Variants in MARF1 observed in about 807,000 individuals in gnomAD.
The protein encoded by MARF1 is limkain-b1.
In MARF1, 24 loss-of-function variants were observed where a neutral mutation model predicts 168.2. That is an observed-to-expected ratio of 0.14 (90% confidence interval 0.10 to 0.20). The LOEUF is 0.20. MARF1 is among the 10% of genes least tolerant of loss of function. The pLI is 1.00. For missense variants in MARF1, 1,744 were observed against 2,143.6 expected (o/e 0.81, Z 3.68); for synonymous variants, 868 against 822.4 (o/e 1.06, Z -0.95).
At chr16:15,602,645 A>G in intron 22 of MARF1, 1 of 443,312 alleles carries the variant, frequency 2.3e-6, no homozygotes, top group Non-Finnish European at 4.4e-6. Flanking sequence ...AAGAGGAGAA[A>G]GAAAAGGAGG....
rs533644887 is a variant in MARF1 at position 15,631,325 on chromosome 16, T to C, written c.1351+56A>G. 1.7e-4 allele frequency: 207 copies of C among 1,215,178 alleles called. 2 individuals carry two copies. In the Middle Eastern group the frequency reaches 2.3e-3, roughly 13 times the overall value. The allele number at this position is 1,215,178 out of a possible 1,614,324, so 75.3% of individuals were successfully genotyped here. A position where few individuals can be genotyped will look rare whatever the true frequency, so the allele number is the denominator to read the frequency against. ...TACTTTCACATGTTGCTGGCTTCTA[T>C]GATAATTTCCCACACAGTGAGTTTA... On this transcript the variant is annotated intron_variant, in intron 6 of 26. Coordinates refer to ENST00000396368, the MANE Select transcript of MARF1 (RefSeq NM_014647.4).
intron 26 of MARF1, 38 bp downstream of exon 26, chr16:15,598,816 C>A (rs749043521): frequency 1.5e-5 from 24 of 1,606,244 alleles, no homozygotes; most frequent in Non-Finnish European, 2.0e-5. Context: ...TGTTTTAAAC[C>A]CCGAAGAAAA....
At chr16:15,599,177 A>G in intron 25 of MARF1, 153 bp from the exon 26 acceptor site, 1 of 710,360 alleles carries the variant, frequency 1.4e-6, no homozygotes, top group Non-Finnish European at 2.3e-6. Flanking sequence ...AAAAAAAAAC[A>G]AAAACCCAAA....
Position 15,611,805 on chromosome 16 carries a change from C to G in MARF1, c.3475-71G>C, listed in dbSNP as rs1380602001. ...AGCGACTTCCTTGCTGCTGGCTCAC[C>G]CTCTCGTTACTAGCCTCAGAGCATG... On this transcript the variant is annotated intron_variant, in intron 17 of 26. Coordinates refer to ENST00000396368, the MANE Select transcript of MARF1 (RefSeq NM_014647.4). The G allele has an allele frequency of 8.4e-6, 11 of 1,309,270 alleles. No homozygotes were observed. The African/African-American group carries it at 1.5e-4, about 17-fold the overall frequency. 81.1% of individuals were successfully genotyped at this position (1,309,270 alleles called of 1,614,324 possible). A position where few individuals can be genotyped will look rare whatever the true frequency, so the allele number is the denominator to read the frequency against.
At chr16:15,637,847 T>G (rs142539270) in intron 2 of MARF1, among the ~76,000 whole-genome samples, 1 of 152,218 alleles carries the variant, frequency 6.6e-6, no homozygotes, top group East Asian at 1.9e-4. Flanking sequence ...CTAGAGAAAA[T>G]AGAGAATTAA....
intron 20 of MARF1, among the ~76,000 whole-genome samples, chr16:15,608,906 G>A (rs1228329720): frequency 4.6e-5 from 7 of 152,190 alleles, no homozygotes; most frequent in Non-Finnish European, 8.8e-5. Context: ...CCTTCAACAC[G>A]AAGGATTTTA....
At chr16:15,613,694 A>AAAT (rs1321492521) in intron 16 of MARF1, among the ~76,000 whole-genome samples, 253 of 130,928 alleles carry the variant, frequency 1.9e-3, no homozygotes, top group Non-Finnish European at 3.5e-3. Flanking sequence ...TAAATAAAAT[A>AAAT]AAATAAAATA....
chr16:15,626,090 A>C (rs1335096640), intron 7 of MARF1, among the ~76,000 whole-genome samples: 3 of 152,148 alleles, frequency 2.0e-5, no homozygotes, highest in Admixed American at 6.5e-5. Context: ...GTGCCACTGC[A>C]CTCCACTCTG....
chr16:15,619,120 A>T (rs565762478), intron 13 of MARF1, among the ~76,000 whole-genome samples: 1 of 152,290 alleles, frequency 6.6e-6, no homozygotes, highest in South Asian at 2.1e-4. Flanking sequence ...TACAAAAATT[A>T]AAAAATATTA....
At chr16:15,610,526 GC>G (rs1596456599) in intron 19 of MARF1, 3 of 154,648 alleles carry the variant, frequency 1.9e-5, no homozygotes, top group African/African-American at 7.2e-5. Flanking sequence ...CTGGACCTGT[GC>G]AGTTCTGACT....
At chr16:15,611,566 C>G (rs748064624) in intron 18 of MARF1, 26 bp downstream of exon 18, 54 of 1,599,504 alleles carry the variant, frequency 3.4e-5, no homozygotes, top group Middle Eastern at 3.4e-4. Context: ...TATTTACTTT[C>G]ATTTCTGTTC....
Position 15,608,338 on chromosome 16 carries a change from C to T in MARF1, c.4135G>A (p.Val1379Ile), listed in dbSNP as rs1378215728. 2 of 1,605,864 alleles carry T rather than the reference C, an allele frequency of 1.2e-6. No individual in the cohort carries two copies. The highest frequency in any genetic ancestry group is 2.7e-5 in the African/African-American group (2 of 73,832). Residue 1379 changes from valine (V) to isoleucine (I), a missense_variant, in exon 21 of 27, where the codon GTC becomes ATC. By Grantham distance (29) the Val-to-Ile change is conservative. Transcript: ENST00000396368. ...GYTFRLQDYD[V>I]SSISALTQKL... ...TGAGTTAAAGCCGAAATGGAACTGA[C>T]ATCATAGTCTTGGAGACGAAATGTA... is the stretch of plus-strand genomic sequence containing the variant.
At position 15,594,842 on chromosome 16, in the gene MARF1, C is replaced by G. The variant is rs1201732379; in HGVS notation, c.*1851G>C. On this transcript the variant is annotated 3_prime_UTR_variant, in exon 27 of 27. Coordinates refer to ENST00000396368, the MANE Select transcript of MARF1 (RefSeq NM_014647.4). ...CCAGTGAATGGTACTCAGACACACT[C>G]ACGGGACAGCACAGAACTTGATTCT... The G allele has an allele frequency of 1.3e-5, 2 of 152,696 alleles. No individual in the cohort carries two copies. Among genetic ancestry groups the G allele is most frequent in the Admixed American group, 6.5e-5 (1 of 15,298 alleles). 9.5% of individuals were successfully genotyped at this position (152,696 alleles called of 1,614,324 possible).
chr16:15,601,444 G>A (rs2032414240), intron 23 of MARF1: 2 of 231,836 alleles, frequency 8.6e-6, no homozygotes, highest in Non-Finnish European at 8.6e-6. Flanking sequence ...CTCCAACACA[G>A]TCCTCCCTCC....
chr16:15,603,124 T>G (rs2151046299), intron 22 of MARF1, among the ~76,000 whole-genome samples: 1 of 152,348 alleles, frequency 6.6e-6, no homozygotes, highest in Non-Finnish European at 1.5e-5. Context: ...TAACAGAGTT[T>G]AGAAAATGCT....
At chr16:15,624,267 AAC>A (rs1396735438) in intron 10 of MARF1, among the ~76,000 whole-genome samples, 1 of 152,210 alleles carries the variant, frequency 6.6e-6, no homozygotes, top group Non-Finnish European at 1.5e-5. Context: ...CAGCAGAACA[AAC>A]ACAATGCTAA....
At position 15,612,775 on chromosome 16, in the gene MARF1, G is replaced by T; in HGVS notation, c.3256C>A (p.Pro1086Thr). Residue 1086 changes from proline to threonine, a missense_variant and splice_region_variant, in exon 17 of 27, where the codon CCT (proline) becomes ACT (threonine). Pro to Thr is a conservative substitution (Grantham distance 38, BLOSUM62 -1). Transcript: ENST00000396368. ...GGACTCTTCGAACGCAGAAGCCAAG[G>T]GTCTAGAAGAAAAAGAACGTGTATA... ...HNKPPPPNTD[P>T]WLLRSKSPVG... is the part of the protein sequence containing the mutation. 2 of 1,613,446 alleles carry T rather than the reference G, an allele frequency of 1.2e-6. No individual in the cohort carries two copies. Among genetic ancestry groups the T allele is most frequent in the Non-Finnish European group, 1.7e-6 (2 of 1,179,520 alleles).
At chr16:15,629,531 A>G (rs924244929) in intron 7 of MARF1, among the ~76,000 whole-genome samples, 1 of 152,204 alleles carries the variant, frequency 6.6e-6, no homozygotes, top group South Asian at 2.1e-4. Flanking sequence ...GCATGAGATC[A>G]TGTCTAACGT....
intron 25 of MARF1, among the ~76,000 whole-genome samples, chr16:15,599,908 C>T (rs988338509): frequency 6.6e-6 from 1 of 152,192 alleles, no homozygotes; most frequent in African/African-American, 2.4e-5. Flanking sequence ...CCGGCTCGCT[C>T]TAGAGTCTTA....
Sources: gnomAD v4.1 joint callset for allele counts (sites outside exome capture counted in the v4.1 genomes callset) on GRCh38, gnomAD v4.1.1 for gene constraint, MANE v1.5 for transcripts, NCBI Gene and HGNC (gene_info 2026-07-23, HGNC 2026-07-21) for gene names.